Variants in GRIK2 observed in about 807,000 individuals in gnomAD.
GRIK2 encodes the protein glutamate receptor ionotropic, kainate 2.
Under a neutral mutation model 100.3 loss-of-function variants are expected in GRIK2, and 32 were observed. The ratio of observed to expected loss-of-function variants is 0.32; its 90% confidence interval spans 0.24 to 0.43. The LOEUF (loss-of-function observed/expected upper bound fraction) is 0.43. Ranked by LOEUF, GRIK2 falls within the 20% of genes least tolerant of loss-of-function variation. GRIK2 has a pLI of 1.00. For missense variants in GRIK2, 843 were observed against 1,114.9 expected (o/e 0.76, Z 3.47); for synonymous variants, 417 against 389.4 (o/e 1.07, Z -0.83).
intron 2 of GRIK2, among the ~76,000 whole-genome samples, chr6:101,595,712 G>GTATATATATATATATATATATATA (rs1162539380): frequency 2.3e-5 from 3 of 131,544 alleles, no homozygotes; most frequent in Admixed American, 7.4e-5. Flanking sequence ...GTGTGTGTGT[G>GTATATATATATATATATATATATA]TGTGTGTATA....
intron 5 of GRIK2, among the ~76,000 whole-genome samples, chr6:101,677,275 T>G (rs761003801): frequency 1.3e-5 from 2 of 152,112 alleles, no homozygotes; most frequent in Non-Finnish European, 2.9e-5. Context: ...ATCTCTACTT[T>G]ACAGACAAAC....
At chr6:101,980,970 T>C (rs910902080) in intron 14 of GRIK2, among the ~76,000 whole-genome samples, 15 of 151,346 alleles carry the variant, frequency 9.9e-5, no homozygotes, top group South Asian at 2.1e-4. Flanking sequence ...TTTGTTTTCT[T>C]GGATCCCTAC....
chr6:101,437,495 T>G (rs917218745), intron 2 of GRIK2, among the ~76,000 whole-genome samples: 3 of 152,124 alleles, frequency 2.0e-5, no homozygotes, highest in African/African-American at 7.2e-5. Context: ...AGACTAAATA[T>G]TGTGATTAAA....
chr6:102,018,942 T>C (rs1769279755), intron 14 of GRIK2, among the ~76,000 whole-genome samples: 1 of 138,932 alleles, frequency 7.2e-6, no homozygotes, highest in Non-Finnish European at 1.6e-5. Flanking sequence ...TCATTTTCTT[T>C]TGTTTAAAAT....
intron 14 of GRIK2, among the ~76,000 whole-genome samples, chr6:101,964,355 G>C (rs1211984880): frequency 1.3e-5 from 2 of 152,026 alleles, no homozygotes; most frequent in Admixed American, 6.6e-5. Flanking sequence ...GGTTTGTGAA[G>C]GTCCTCTGAT....
chr6:101,597,496 G>T lies in GRIK2; in HGVS notation c.116-24453G>T, dbSNP rs115956009. On this transcript the variant is annotated intron_variant, in intron 2 of 16. Coordinates refer to ENST00000369134, the MANE Select transcript of GRIK2 (RefSeq NM_021956.5). ...AGGGTTTGGTTCACCATTATTTAAG[G>T]TCTTTAGTAGTTAATACTGAATCAG... Among the ~76,000 whole-genome samples the T allele has an allele frequency of 7.2e-3, 1,089 of 151,814 alleles. 16 individuals carry two copies. Among genetic ancestry groups the T allele is most frequent in the African/African-American group, 0.025 (1,037 of 41,462 alleles).
intron 2 of GRIK2, among the ~76,000 whole-genome samples, chr6:101,523,483 T>C (rs553041479): frequency 2.6e-5 from 4 of 152,286 alleles, no homozygotes; most frequent in Non-Finnish European, 5.9e-5. Flanking sequence ...GATCATGAAC[T>C]GTATCTTAAA....
intron 11 of GRIK2, among the ~76,000 whole-genome samples, chr6:101,874,021 A>G (rs1261711974): frequency 1.3e-5 from 2 of 152,080 alleles, no homozygotes; most frequent in Non-Finnish European, 2.9e-5. Context: ...AGTAGATTGC[A>G]AAAATTTTCT....
intron 14 of GRIK2, among the ~76,000 whole-genome samples, chr6:101,988,134 CG>C (rs1794146968): frequency 7.6e-6 from 1 of 131,744 alleles, no homozygotes; most frequent in Non-Finnish European, 1.6e-5. Context: ...TGTGTGTGTG[CG>C]CGCGCGCGCG....
chr6:101,747,438 CA>C (rs1776487817), intron 7 of GRIK2, among the ~76,000 whole-genome samples: 1 of 152,148 alleles, frequency 6.6e-6, no homozygotes. Context: ...GTCAAGTCTA[CA>C]TAAAATTTAC....
rs78066994 is a variant in GRIK2, at chr6:101,450,636, G to A, written c.115+51244G>A. 3.5e-3 allele frequency among the ~76,000 whole-genome samples: 538 copies of A among 151,692 alleles called. 9 individuals are homozygous for A. The highest frequency in any genetic ancestry group is 0.027 in the East Asian group (139 of 5,150). On this transcript the variant is annotated intron_variant, in intron 2 of 16. Transcript: ENST00000369134. ...TGGCAGTAACTACTCGGTGTTTCCT[G>A]TTGCCTACATAATAGAGTTCATCCT...
intron 2 of GRIK2, among the ~76,000 whole-genome samples, chr6:101,496,932 A>G (rs1273714952): frequency 6.6e-6 from 1 of 152,162 alleles, no homozygotes; most frequent in East Asian, 1.9e-4. Flanking sequence ...ATGGTTTTAT[A>G]TTTGGTAAAA....
chr6:102,026,360 G>A lies in GRIK2; in HGVS notation c.2086-8981G>A, dbSNP rs563380065. Among the ~76,000 whole-genome samples the A allele has an allele frequency of 4.0e-5, 6 of 150,740 alleles. No homozygotes were observed. The East Asian group carries it at 7.8e-4, about 20-fold the overall frequency. Reference sequence around the variant, plus strand: ...GTTAAAGAAGCTTTTTATTACATTAGGTAGGGAAAAGAAATTATGGCTTAT... The same window carrying A: ...GTTAAAGAAGCTTTTTATTACATTAAGTAGGGAAAAGAAATTATGGCTTAT... On this transcript the variant is annotated intron_variant, in intron 14 of 16. Transcript: ENST00000369134.
chr6:101,523,244 C>T (rs1282277045), intron 2 of GRIK2, among the ~76,000 whole-genome samples: 2 of 152,074 alleles, frequency 1.3e-5, no homozygotes, highest in South Asian at 2.1e-4. Flanking sequence ...TGTCAACCTC[C>T]TCCCTCACCC....
At chr6:101,536,918 A>C (rs1048009731) in intron 2 of GRIK2, among the ~76,000 whole-genome samples, 1 of 151,754 alleles carries the variant, frequency 6.6e-6, no homozygotes, top group Non-Finnish European at 1.5e-5. Context: ...TTGTGTTTAT[A>C]ATTTTTATCT....
intron 14 of GRIK2, among the ~76,000 whole-genome samples, chr6:101,965,043 C>T (rs1162775716): frequency 6.6e-6 from 1 of 152,110 alleles, no homozygotes; most frequent in Non-Finnish European, 1.5e-5. Context: ...AAGCTCTTAT[C>T]TGGAGCCTCT....
At chr6:101,685,587 A>G (rs1372630906) in intron 6 of GRIK2, among the ~76,000 whole-genome samples, 1 of 152,178 alleles carries the variant, frequency 6.6e-6, no homozygotes, top group Non-Finnish European at 1.5e-5. Flanking sequence ...CAACAGGCAT[A>G]AAGTGTTTAT....
chr6:101,407,817 G>T (rs1331533284), intron 2 of GRIK2, among the ~76,000 whole-genome samples: 1 of 152,134 alleles, frequency 6.6e-6, no homozygotes, highest in Non-Finnish European at 1.5e-5. Flanking sequence ...ACATATTAAA[G>T]TACCAATTGT....
intron 14 of GRIK2, among the ~76,000 whole-genome samples, chr6:102,020,530 C>T (rs954998185): frequency 5.9e-5 from 9 of 151,812 alleles, no homozygotes; most frequent in African/African-American, 2.2e-4. Flanking sequence ...CATCCCTTGC[C>T]GGATGATGAA....
Sources: gnomAD v4.1 joint callset for allele counts (sites outside exome capture counted in the v4.1 genomes callset) on GRCh38, gnomAD v4.1.1 for gene constraint, MANE v1.5 for transcripts, NCBI Gene and HGNC (gene_info 2026-07-23, HGNC 2026-07-21) for gene names.